LARGE1: variants seen among roughly 807,000 people sequenced by gnomAD.
The protein encoded by LARGE1 is LARGE xylosyl- and glucuronyltransferase 1, also known as xylosyl- and glucuronyltransferase LARGE1.
LARGE1 carries 43 observed loss-of-function variants against 87.6 expected under a neutral mutation model. That is an observed-to-expected ratio of 0.49 (90% CI 0.38 to 0.63). LARGE1 has a LOEUF of 0.63. Among genes scored for constraint, LARGE1 ranks in the 30% least tolerant of loss-of-function variants. The probability of loss-of-function intolerance (pLI) is 0.00; values close to 1 mark genes in which losing one functional copy is unlikely to be tolerated. For missense variants in LARGE1, 802 were observed against 1,000.2 expected, an observed-to-expected ratio of 0.80 and a Z score of 2.67; for synonymous variants, 434 against 394.6, an observed-to-expected ratio of 1.10 and a Z score of -1.18.
chr22:33,085,449 GC>G, the LARGE1 span, among the ~76,000 whole-genome samples: 1 of 152,136 alleles, frequency 6.6e-6, no homozygotes, highest in South Asian at 2.1e-4. Flanking sequence ...CTTTGAATAT[GC>G]TTTGAAGCCA....
At chr22:33,721,727 A>C (rs1034842062) in intron 2 of LARGE1, among the ~76,000 whole-genome samples, 1 of 152,086 alleles carries the variant, frequency 6.6e-6, no homozygotes, top group Non-Finnish European at 1.5e-5. Context: ...ATCGTAGAAA[A>C]ACTCTAAGTG....
intron 6 of LARGE1, among the ~76,000 whole-genome samples, chr22:33,514,949 C>A (rs903343883): frequency 1.3e-5 from 2 of 152,122 alleles, no homozygotes; most frequent in Non-Finnish European, 2.9e-5. Flanking sequence ...ATGAACCAGG[C>A]ACTGTGCTAA....
intron 6 of LARGE1, among the ~76,000 whole-genome samples, chr22:33,453,195 T>G (rs1430274544): frequency 6.6e-6 from 1 of 152,098 alleles, no homozygotes; most frequent in East Asian, 1.9e-4. Flanking sequence ...GGCGGGTGGA[T>G]TATGAAGTCA....
chr22:33,316,328 C>T, intron 10 of LARGE1, 80 bp from the exon 11 acceptor site: 5 of 1,423,186 alleles, frequency 3.5e-6, no homozygotes, highest in Non-Finnish European at 3.9e-6. Flanking sequence ...GAGCCCTGCC[C>T]TCCCCTGAGT....
At chr22:33,843,386 G>A (rs1046661868) in intron 1 of LARGE1, among the ~76,000 whole-genome samples, 1 of 151,290 alleles carries the variant, frequency 6.6e-6, no homozygotes, top group Non-Finnish European at 1.5e-5. Flanking sequence ...GCAGTGAGAC[G>A]AGATTGCACC....
chr22:33,801,394 C>T (rs9619374), intron 1 of LARGE1, among the ~76,000 whole-genome samples: 29,393 of 152,154 alleles, frequency 0.19, 3,416 homozygotes, highest in Admixed American at 0.33. Flanking sequence ...CAAATTTTAT[C>T]GTATTCATTC....
At chr22:33,225,877 CA>C (rs1925708941) in intron 11 of LARGE1, among the ~76,000 whole-genome samples, 1 of 152,164 alleles carries the variant, frequency 6.6e-6, no homozygotes, top group Admixed American at 6.5e-5. Flanking sequence ...TATGTTCCTG[CA>C]AAAGACATAA....
At chr22:33,454,716 G>T (rs534042382) in intron 6 of LARGE1, among the ~76,000 whole-genome samples, 2 of 152,200 alleles carry the variant, frequency 1.3e-5, no homozygotes, top group South Asian at 4.2e-4. Flanking sequence ...TTCTGGGGAG[G>T]CCTCAGGGAA....
chr22:33,787,130 C>CT (rs2085673969), intron 1 of LARGE1, among the ~76,000 whole-genome samples: 1 of 152,068 alleles, frequency 6.6e-6, no homozygotes, highest in Admixed American at 6.5e-5. Context: ...GAATGGCATG[C>CT]TATACTTCCA....
At chr22:33,406,848 A>G (rs2066118835) in intron 7 of LARGE1, among the ~76,000 whole-genome samples, 1 of 152,188 alleles carries the variant, frequency 6.6e-6, no homozygotes, top group African/African-American at 2.4e-5. Flanking sequence ...GCTGGAGTGC[A>G]ATGGCACGAT....
In LARGE1 at chr22:33,273,929, G is replaced by A. The variant is rs943246786; in HGVS notation, c.*498C>T. The A allele has an allele frequency of 3.1e-5, 11 of 355,672 alleles. No individual in the cohort carries two copies. In the East Asian group the frequency reaches 4.6e-4, roughly 15 times the overall value. 22.0% of individuals were successfully genotyped at this position (355,672 alleles called of 1,614,324 possible). ...TTCCAAGTGGTTGGTTTAGATCATC[G>A]GTTTGCCCTCCGTTTGAATGCCCAG... On this transcript the variant is annotated 3_prime_UTR_variant, in exon 15 of 15. Transcript: ENST00000397394.
chr22:33,360,800 C>G (rs991985620), intron 9 of LARGE1, among the ~76,000 whole-genome samples: 1 of 149,942 alleles, frequency 6.7e-6, no homozygotes, highest in African/African-American at 2.5e-5. Context: ...CCCACCGCCA[C>G]TGGGCTGTAC....
chr22:33,429,712 G>T (rs1373606652), intron 7 of LARGE1, among the ~76,000 whole-genome samples: 2 of 152,156 alleles, frequency 1.3e-5, no homozygotes, highest in African/African-American at 2.4e-5. Context: ...GTTTTCCTGA[G>T]ACTTCCTTTC....
chr22:33,542,330 T>A (rs1459098488), intron 6 of LARGE1, among the ~76,000 whole-genome samples: 1 of 152,028 alleles, frequency 6.6e-6, no homozygotes, highest in Non-Finnish European at 1.5e-5. Context: ...AGTTGAACTC[T>A]CATGGGAACC....
At chr22:33,134,140 A>G in the LARGE1 span, among the ~76,000 whole-genome samples, 1 of 152,292 alleles carries the variant, frequency 6.6e-6, no homozygotes. Flanking sequence ...TTCCCCGTAA[A>G]CCAGCAAACC....
rs114066732 is a variant in LARGE1, at chr22:33,791,342, C to T, written c.-82-29784G>A. Among the ~76,000 whole-genome samples the T allele has an allele frequency of 5.3e-3, 804 of 152,162 alleles. 6 individuals are homozygous for T. The highest frequency in any genetic ancestry group is 0.018 in the African/African-American group (764 of 41,520). ...TTAAAAAAGCATGATCCTTTGGGGC[C>T]GTATACCCTAGGAGTAAACTCTTCT... On this transcript the variant is annotated intron_variant, in intron 1 of 14. Transcript: ENST00000397394.
At chr22:33,385,275 A>G (rs1171233756) in intron 7 of LARGE1, among the ~76,000 whole-genome samples, 1 of 148,172 alleles carries the variant, frequency 6.7e-6, no homozygotes, top group East Asian at 1.9e-4. Context: ...GTGGTGGTTC[A>G]TGCCTGTAAA....
intron 6 of LARGE1, among the ~76,000 whole-genome samples, chr22:33,500,124 T>C (rs532688263): frequency 3.6e-4 from 55 of 152,338 alleles, no homozygotes; most frequent in South Asian, 2.7e-3. Context: ...CATTGAAATA[T>C]ATGTATCATG....
At chr22:33,561,526 G>A (rs376531841) in intron 6 of LARGE1, among the ~76,000 whole-genome samples, 17 of 152,162 alleles carry the variant, frequency 1.1e-4, no homozygotes, top group African/African-American at 4.1e-4. Context: ...GTTAGGACAG[G>A]GCTGCTAGCC....
Sources: allele counts gnomAD v4.1 joint callset (sites outside exome capture counted in the v4.1 genomes callset), GRCh38; gene constraint gnomAD v4.1.1; transcripts MANE v1.5; gene names NCBI Gene and HGNC (gene_info 2026-07-23, HGNC 2026-07-21).